Variants in ROR2 observed in about 807,000 individuals in gnomAD.
ROR2 encodes the protein tyrosine-protein kinase transmembrane receptor ROR2.
A neutral mutation model predicts 74.9 loss-of-function variants in ROR2; 33 were observed. That is an observed-to-expected ratio of 0.44 (90% CI 0.33 to 0.59). The LOEUF is 0.59. Among genes scored for constraint, ROR2 ranks in the 20% least tolerant of loss-of-function variants. The pLI is 0.02. For missense variants in ROR2, 1,216 were observed against 1,313.8 expected, an observed-to-expected ratio of 0.93 and a Z score of 1.15; for synonymous variants, 586 against 558.7, an observed-to-expected ratio of 1.05 and a Z score of -0.69.
chr9:91,866,126 T>C (rs1024059743), intron 1 of ROR2, among the ~76,000 whole-genome samples: 1 of 152,126 alleles, frequency 6.6e-6, no homozygotes, highest in African/African-American at 2.4e-5. Flanking sequence ...TTTGTTTTTT[T>C]GTTTATTTTT....
Position 91,925,943 on chromosome 9 carries a change from C to T in ROR2, c.97+23924G>A, listed in dbSNP as rs186829047. Among the ~76,000 whole-genome samples the T allele has an allele frequency of 1.9e-3, 283 of 152,270 alleles. 4 individuals are homozygous for T. The highest frequency in any genetic ancestry group is 1.4e-3 in the Non-Finnish European group (92 of 68,024). Reference sequence around the variant, plus strand: ...ATTTCTCCTGCATGATTTGCGTGCACACTTAAGAAGACATCCTAGGCCTGG... The same window carrying T: ...ATTTCTCCTGCATGATTTGCGTGCATACTTAAGAAGACATCCTAGGCCTGG... On this transcript the variant is annotated intron_variant, in intron 1 of 8. Coordinates refer to ENST00000375708, the MANE Select transcript of ROR2 (RefSeq NM_004560.4).
rs559229993 is a variant in ROR2 at position 91,724,190 on chromosome 9, C to T, written c.2304G>A (p.Thr768=). ...GGCTGGTGCTCAGGGAGCTGGTCTG[C>T]GTGGTGTTGCTGGCCCCCGAGGTCT... ...SAQTSGASNT[T]QTSSLSTSPV... is the part of the protein sequence containing the mutation. The change falls in exon 9 of 9, where the codon ACG becomes ACA. Residue 768 remains threonine, a synonymous_variant. Transcript: ENST00000375708. 33 of 1,612,826 alleles carry T rather than the reference C, an allele frequency of 2.0e-5. 1 individual carries two copies. In the Admixed American group the frequency reaches 2.5e-4, roughly 12 times the overall value.
intron 7 of ROR2, among the ~76,000 whole-genome samples, chr9:91,729,716 C>T (rs940665660): frequency 2.0e-5 from 3 of 152,164 alleles, no homozygotes; most frequent in East Asian, 1.9e-4. Context: ...ACTGGTGAAC[C>T]GGGCATGACT....
chr9:91,913,455 A>C (rs1178953918), intron 1 of ROR2, among the ~76,000 whole-genome samples: 2 of 152,210 alleles, frequency 1.3e-5, no homozygotes, highest in African/African-American at 4.8e-5. Flanking sequence ...AAAAAATTCT[A>C]TGTTGTATCA....
At chr9:91,847,865 G>A (rs1472277465) in intron 1 of ROR2, among the ~76,000 whole-genome samples, 2 of 151,856 alleles carry the variant, frequency 1.3e-5, no homozygotes, top group African/African-American at 2.4e-5. Flanking sequence ...AAACACCCAC[G>A]CAGACTCACT....
intron 1 of ROR2, among the ~76,000 whole-genome samples, chr9:91,897,803 C>T (rs1378860281): frequency 6.6e-6 from 1 of 152,192 alleles, no homozygotes; most frequent in Non-Finnish European, 1.5e-5. Flanking sequence ...CAAAGGCAGC[C>T]CAGGCCCGGT....
chr9:91,802,679 C>CCT, intron 1 of ROR2, among the ~76,000 whole-genome samples: 1 of 152,216 alleles, frequency 6.6e-6, no homozygotes, highest in Admixed American at 6.5e-5. Flanking sequence ...CAATGCCTCC[C>CCT]CTTCTGCCCA....
chr9:91,919,699 T>C (rs1410703032), intron 1 of ROR2, among the ~76,000 whole-genome samples: 1 of 152,200 alleles, frequency 6.6e-6, no homozygotes, highest in Non-Finnish European at 1.5e-5. Context: ...TAAAGTCTAC[T>C]GGCAGCTGCT....
chr9:91,741,214 C>T (rs962208904), intron 4 of ROR2, among the ~76,000 whole-genome samples: 5 of 151,674 alleles, frequency 3.3e-5, no homozygotes, highest in African/African-American at 7.3e-5. Flanking sequence ...GCAGGGGAAT[C>T]GCTTGAACCC....
chr9:91,935,184 G>A (rs781160174), intron 1 of ROR2, among the ~76,000 whole-genome samples: 6 of 152,094 alleles, frequency 3.9e-5, no homozygotes, highest in South Asian at 2.1e-4. Flanking sequence ...TCCTTGCACC[G>A]CTCCATGGAT....
At chr9:91,948,450 A>G (rs551148671) in intron 1 of ROR2, among the ~76,000 whole-genome samples, 1 of 152,314 alleles carries the variant, frequency 6.6e-6, no homozygotes, top group Non-Finnish European at 1.5e-5. Context: ...TACTTATTTT[A>G]TTGTGCACTC....
At chr9:91,784,172 G>A (rs1273079805) in intron 1 of ROR2, among the ~76,000 whole-genome samples, 1 of 152,158 alleles carries the variant, frequency 6.6e-6, no homozygotes, top group Non-Finnish European at 1.5e-5. Context: ...CTGCAACAGT[G>A]CTGATTCCAC....
intron 4 of ROR2, among the ~76,000 whole-genome samples, chr9:91,738,194 T>G (rs1825101576): frequency 1.3e-5 from 2 of 152,194 alleles, no homozygotes; most frequent in South Asian, 4.1e-4. Context: ...TCAGCAGCAA[T>G]AAATGTCTCA....
intron 1 of ROR2, among the ~76,000 whole-genome samples, chr9:91,821,663 A>T (rs763422904): frequency 6.6e-6 from 1 of 152,194 alleles, no homozygotes; most frequent in Non-Finnish European, 1.5e-5. Flanking sequence ...TGTCAGTGCC[A>T]ACCCTTAGTC....
At chr9:91,944,857 G>C (rs1169443433) in intron 1 of ROR2, among the ~76,000 whole-genome samples, 1 of 152,110 alleles carries the variant, frequency 6.6e-6, no homozygotes, top group East Asian at 1.9e-4. Context: ...TTCAAGACCA[G>C]CCTGGGCAAC....
chr9:91,734,714 C>T (rs987348420), intron 5 of ROR2, among the ~76,000 whole-genome samples: 1 of 152,190 alleles, frequency 6.6e-6, no homozygotes, highest in Non-Finnish European at 1.5e-5. Context: ...TGAGACCCCA[C>T]ACTGGGGAAT....
At chr9:91,819,465 T>C (rs569126881) in intron 1 of ROR2, among the ~76,000 whole-genome samples, 1 of 152,208 alleles carries the variant, frequency 6.6e-6, no homozygotes, top group Non-Finnish European at 1.5e-5. Context: ...TGTATGTGTC[T>C]GTGTGTCTCT....
intron 1 of ROR2, among the ~76,000 whole-genome samples, chr9:91,849,585 T>C (rs1030753871): frequency 6.6e-6 from 1 of 152,262 alleles, no homozygotes; most frequent in Non-Finnish European, 1.5e-5. Context: ...TTCTGGAGAT[T>C]ACTACAGAAT....
intron 1 of ROR2, among the ~76,000 whole-genome samples, chr9:91,881,925 G>C (rs1298079333): frequency 6.6e-6 from 1 of 152,212 alleles, no homozygotes; most frequent in Non-Finnish European, 1.5e-5. Context: ...GGCAGGCGAG[G>C]CCCTCAGGCT....
Sources: allele counts gnomAD v4.1 joint callset (sites outside exome capture counted in the v4.1 genomes callset), GRCh38; gene constraint gnomAD v4.1.1; transcripts MANE v1.5; gene names NCBI Gene and HGNC (gene_info 2026-07-23, HGNC 2026-07-21).